TSPAN7: variants seen among roughly 807,000 people sequenced by gnomAD.
The protein encoded by TSPAN7 is tetraspanin-7.
A neutral mutation model predicts 17.6 loss-of-function variants in TSPAN7; 1 was observed. The observed-to-expected ratio is 0.06, with a 90% CI of 0.02 to 0.27. The LOEUF (loss-of-function observed/expected upper bound fraction) is 0.27. Among genes scored for constraint, TSPAN7 ranks in the 10% least tolerant of loss-of-function variants. TSPAN7 has a pLI of 1.00. For missense variants in TSPAN7, 112 were observed against 201.7 expected, an observed-to-expected ratio of 0.56 and a Z score of 2.69; for synonymous variants, 78 against 79.0, an observed-to-expected ratio of 0.99 and a Z score of 0.07.
intron 3 of TSPAN7, among the ~76,000 whole-genome samples, chrX:38,673,104 G>T (rs905088421): frequency 8.9e-6 from 1 of 111,758 alleles, no homozygotes; most frequent in Non-Finnish European, 1.9e-5. Context: ...CTGTCCCATG[G>T]ACATAGTTTA....
At chrX:38,637,789 G>A (rs1419028340) in intron 1 of TSPAN7, among the ~76,000 whole-genome samples, 1 of 112,707 alleles carries the variant, frequency 8.9e-6, no homozygotes, top group African/African-American at 3.2e-5. Flanking sequence ...GTGGAGAAGT[G>A]CCTCTGGTGT....
chrX:38,608,732 T>G (rs1450789747), intron 1 of TSPAN7, among the ~76,000 whole-genome samples: 3 of 111,910 alleles, frequency 2.7e-5, no homozygotes, highest in Non-Finnish European at 5.6e-5. Context: ...CACAATCCCA[T>G]TAATCAAAGA....
intron 5 of TSPAN7, 23 bp downstream of exon 5, chrX:38,675,883 G>C: frequency 1.7e-6 from 2 of 1,209,045 alleles, no homozygotes; most frequent in Non-Finnish European, 2.2e-6. Flanking sequence ...TCCTGGCCCA[G>C]ATGGGACCAG....
intron 1 of TSPAN7, among the ~76,000 whole-genome samples, chrX:38,649,647 C>T (rs774344320): frequency 9.0e-6 from 1 of 111,558 alleles, no homozygotes; most frequent in South Asian, 3.9e-4. Context: ...TGGGTTTCCC[C>T]AGGGTCCGTT....
intron 1 of TSPAN7, among the ~76,000 whole-genome samples, chrX:38,643,880 T>C (rs1402351557): frequency 9.0e-6 from 1 of 110,841 alleles, no homozygotes; most frequent in Non-Finnish European, 1.9e-5. Context: ...AAAATAAAAA[T>C]AAACCAGTTT....
intron 1 of TSPAN7, among the ~76,000 whole-genome samples, chrX:38,638,228 A>T (rs1173674010): frequency 1.8e-5 from 2 of 112,225 alleles, no homozygotes; most frequent in African/African-American, 6.5e-5. Flanking sequence ...TTTTTAAAAA[A>T]TTGAAATTGT....
At chrX:38,656,440 G>A (rs1040346522) in intron 1 of TSPAN7, among the ~76,000 whole-genome samples, 1 of 111,604 alleles carries the variant, frequency 9.0e-6, no homozygotes, top group African/African-American at 3.3e-5. Context: ...GTTTCTTGCC[G>A]TAACTCTTCT....
At chrX:38,623,056 T>C (rs1309602546) in intron 1 of TSPAN7, 1 of 331,013 alleles carries the variant, frequency 3.0e-6, no homozygotes, top group Admixed American at 3.1e-5. Context: ...TCTTGGTTGA[T>C]TTGTAGTTTG....
Position 38,629,481 on chromosome X carries a change from C to G in TSPAN7, c.82-36640C>G, listed in dbSNP as rs141527762. 3.2e-3 allele frequency among the ~76,000 whole-genome samples: 363 copies of G among 112,022 alleles called. 1 individual carries two copies. The highest frequency in any genetic ancestry group is 0.011 in the African/African-American group (344 of 30,861). ...GTGTTGAGAACCACTATACTGTTTC[C>G]GAAAAAGCTTTAGAATAGCAAAGCT... On this transcript the variant is annotated intron_variant, in intron 1 of 7. Transcript: ENST00000378482.
At chrX:38,565,794 C>G (rs1451349738) in intron 1 of TSPAN7, among the ~76,000 whole-genome samples, 1 of 111,898 alleles carries the variant, frequency 8.9e-6, no homozygotes, top group Non-Finnish European at 1.9e-5. Context: ...TAATCACACT[C>G]TCTCTCTGAG....
intron 2 of TSPAN7, 43 bp downstream of exon 2, chrX:38,666,352 T>C (rs1201096223): frequency 8.5e-7 from 1 of 1,176,483 alleles, no homozygotes; most frequent in African/African-American, 1.8e-5. Context: ...AACTATATTT[T>C]TGTAAAAATA....
chrX:38,687,556 G>C, intron 6 of TSPAN7, 43 bp from the exon 7 acceptor site: 3 of 1,155,833 alleles, frequency 2.6e-6, no homozygotes, highest in Non-Finnish European at 3.5e-6. Context: ...GGTGTGGTTC[G>C]GTGACTTGAG....
intron 1 of TSPAN7, among the ~76,000 whole-genome samples, chrX:38,652,618 A>T (rs926037105): frequency 4.4e-5 from 5 of 112,752 alleles, no homozygotes; most frequent in Admixed American, 2.8e-4. Context: ...ATACATTTTG[A>T]GTTTCAAACA....
At chrX:38,600,515 T>G (rs1421792312) in intron 1 of TSPAN7, among the ~76,000 whole-genome samples, 3 of 111,783 alleles carry the variant, frequency 2.7e-5, no homozygotes, top group African/African-American at 6.5e-5. Flanking sequence ...GGGAAGCACG[T>G]AAGCTCTGCC....
Position 38,653,192 on chromosome X carries a change from C to T in TSPAN7, c.82-12929C>T, listed in dbSNP as rs143985301. ...GAGATTAAGAATAAATGTGATGAAG[C>T]GTATAAGGAGCACGGTACTGCTCAA... On this transcript the variant is annotated intron_variant, in intron 1 of 7. Transcript: ENST00000378482. Among the ~76,000 whole-genome samples the T allele has an allele frequency of 4.2e-4, 47 of 111,805 alleles. No individual in the cohort carries two copies. The East Asian group carries it at 0.011, about 25-fold the overall frequency.
chrX:38,586,572 G>A (rs751557559), intron 1 of TSPAN7, among the ~76,000 whole-genome samples: 12 of 111,571 alleles, frequency 1.1e-4, no homozygotes, highest in Non-Finnish European at 2.3e-4. Context: ...TTGAACTCAG[G>A]GACTTGAATT....
intron 1 of TSPAN7, among the ~76,000 whole-genome samples, chrX:38,623,548 T>G (rs2069501559): frequency 9.1e-6 from 1 of 109,348 alleles, no homozygotes; most frequent in East Asian, 2.9e-4. Context: ...GGCTCTTTCC[T>G]CTATACTCAT....
At chrX:38,657,649 C>T (rs967816475) in intron 1 of TSPAN7, among the ~76,000 whole-genome samples, 1 of 112,456 alleles carries the variant, frequency 8.9e-6, no homozygotes, top group African/African-American at 3.2e-5. Context: ...TGGAAGGGCC[C>T]TGGGGCTAGT....
At position 38,684,025 on chromosome X, in the gene TSPAN7, T is replaced by C. The variant is rs1056246025; in HGVS notation, c.681+2738T>C. Among the ~76,000 whole-genome samples the C allele has an allele frequency of 4.4e-5, 5 of 112,537 alleles. No individual in the cohort carries two copies. The East Asian group carries it at 8.4e-4, about 19-fold the overall frequency. On this transcript the variant is annotated intron_variant, in intron 6 of 7. Transcript: ENST00000378482. ...GAAAGAACAGAGCTCGCTCTCTCTC[T>C]TCCTCCCTCCCACTTTTGCTCTCCT...
Sources: gnomAD v4.1 joint callset for allele counts (sites outside exome capture counted in the v4.1 genomes callset) on GRCh38, gnomAD v4.1.1 for gene constraint, MANE v1.5 for transcripts, NCBI Gene and HGNC (gene_info 2026-07-23, HGNC 2026-07-21) for gene names.